Variants in RIN2 observed in about 807,000 individuals in gnomAD.
The protein encoded by RIN2 is RAB5 interacting protein 2.
In RIN2, 36 loss-of-function variants were observed where a neutral mutation model predicts 78.0. The observed-to-expected ratio is 0.46, with a 90% CI of 0.35 to 0.61. The LOEUF is 0.61. Among genes scored for constraint, RIN2 ranks in the 20% least tolerant of loss-of-function variants. The pLI is 0.00. For synonymous variants in RIN2, 466 were observed against 466.8 expected, an observed-to-expected ratio of 1.00 and a Z score of 0.02; for missense variants, 1,087 against 1,159.7, an observed-to-expected ratio of 0.94 and a Z score of 0.91.
Position 19,974,986 on chromosome 20 carries a change from A to G in RIN2, c.961A>G (p.Thr321Ala). The stretch of plus-strand genomic sequence containing the variant: ...GCCACCCGCTATTAATAGTCTCCAC[A>G]CAAGCCCTCGGCTGGCCAGGACTGA... ...PPPPAINSLH[T>A]SPRLARTETQ... The change falls in exon 9 of 13, where the codon ACA becomes GCA. Residue 321 changes from threonine to alanine, a missense_variant. Thr to Ala is a moderately conservative substitution (Grantham distance 58, BLOSUM62 0). Around this residue, in one of 8 missense-constraint regions of RIN2, gnomAD observed 706 missense variants for 667.5 expected, o/e 1.06. Transcript: ENST00000255006. The G allele has an allele frequency of 6.2e-7, 1 of 1,600,582 alleles. No individual in the cohort carries two copies. Among genetic ancestry groups the G allele is most frequent in the South Asian group, 1.1e-5 (1 of 90,498 alleles).
chr20:19,805,445 A>C, intron 2 of RIN2, among the ~76,000 whole-genome samples: 1 of 152,176 alleles, frequency 6.6e-6, no homozygotes, highest in Non-Finnish European at 1.5e-5. Flanking sequence ...TCTGTCACCC[A>C]GGCTGGAGTG....
At chr20:19,834,643 G>A (rs956233900) in intron 2 of RIN2, among the ~76,000 whole-genome samples, 4 of 152,164 alleles carry the variant, frequency 2.6e-5, no homozygotes, top group African/African-American at 9.7e-5. Flanking sequence ...TCATAAATAT[G>A]CAAACTAGGA....
chr20:19,853,069 TC>T (rs1445974148), intron 2 of RIN2, among the ~76,000 whole-genome samples: 1 of 137,216 alleles, frequency 7.3e-6, no homozygotes. Flanking sequence ...TGTGTGATGT[TC>T]CCCTTCCTGT....
intron 2 of RIN2, among the ~76,000 whole-genome samples, chr20:19,828,622 T>A (rs181039932): frequency 9.8e-5 from 15 of 152,332 alleles, no homozygotes; most frequent in African/African-American, 3.4e-4. Flanking sequence ...AACCATTATG[T>A]AGGTGCATAG....
chr20:19,826,934 T>G (rs906328265), intron 2 of RIN2, among the ~76,000 whole-genome samples: 1 of 136,552 alleles, frequency 7.3e-6, no homozygotes, highest in Non-Finnish European at 1.6e-5. Flanking sequence ...TTGTTATTGT[T>G]GGTGGTGGTG....
intron 3 of RIN2, among the ~76,000 whole-genome samples, chr20:19,905,764 CT>C (rs2039192919): frequency 6.6e-6 from 1 of 152,152 alleles, no homozygotes; most frequent in African/African-American, 2.4e-5. Flanking sequence ...ACAACAAGTT[CT>C]ATTGGAACCC....
intron 4 of RIN2, among the ~76,000 whole-genome samples, chr20:19,945,731 A>G (rs2041063731): frequency 6.6e-6 from 1 of 151,918 alleles, no homozygotes; most frequent in African/African-American, 2.4e-5. Flanking sequence ...GACTTTTACA[A>G]CCAAAGCCAC....
At position 19,844,698 on chromosome 20, in the gene RIN2, C is replaced by CTTCT. The variant is rs2036720210; in HGVS notation, c.-36-44867_-36-44866insTCTT. Reference sequence around the variant, plus strand: ...CTTCTTCTTCTTCCTCTTCCTCTTCCTCTTCTTCTTCTTCTTCTTCTTCTT... The same window carrying CTTCT: ...CTTCTTCTTCTTCCTCTTCCTCTTCCTTCTTCTTCTTCTTCTTCTTCTTCTTCTT... On this transcript the variant is annotated intron_variant, in intron 2 of 12. Coordinates refer to ENST00000255006, the MANE Select transcript of RIN2 (RefSeq NM_018993.4). Among the ~76,000 whole-genome samples, 232 of 26,342 alleles carry CTTCT rather than the reference C, an allele frequency of 8.8e-3. 10 individuals carry two copies. Among genetic ancestry groups the CTTCT allele is most frequent in the African/African-American group, 0.021 (180 of 8,666 alleles). The allele number at this position is 26,342 out of a possible 152,430, so 17.3% of individuals were successfully genotyped here.
At chr20:19,942,364 G>A (rs913624826) in intron 4 of RIN2, among the ~76,000 whole-genome samples, 1 of 152,160 alleles carries the variant, frequency 6.6e-6, no homozygotes, top group Non-Finnish European at 1.5e-5. Flanking sequence ...AATAAGAAGT[G>A]TAAGATAAAA....
At chr20:19,775,395 C>T (rs1028061811) in intron 1 of RIN2, among the ~76,000 whole-genome samples, 1 of 152,116 alleles carries the variant, frequency 6.6e-6, no homozygotes, top group East Asian at 1.9e-4. Flanking sequence ...CCATTGAAGT[C>T]GGTATTTTGG....
chr20:19,975,903 C>T lies in RIN2; in HGVS notation c.1762+116C>T, dbSNP rs1031558125. Reference sequence around the variant, plus strand: ...CGAAGTTCAAAACAACACCCAGCTCCACCTTCTCTCCCGGTTTGAATGGAA... The same window carrying T: ...CGAAGTTCAAAACAACACCCAGCTCTACCTTCTCTCCCGGTTTGAATGGAA... On this transcript the variant is annotated intron_variant, in intron 9 of 12. Coordinates refer to ENST00000255006, the MANE Select transcript of RIN2 (RefSeq NM_018993.4). This position sits in a 1 kb window ranked among gnomAD's most constrained non-coding sequence, Gnocchi z 4.9. The T allele has an allele frequency of 1.0e-6, 1 of 955,930 alleles. No individual in the cohort carries two copies. Among genetic ancestry groups the T allele is most frequent in the African/African-American group, 1.6e-5 (1 of 61,156 alleles). The allele number at this position is 955,930 out of a possible 1,614,324, so 59.2% of individuals were successfully genotyped here. A position where few individuals can be genotyped will look rare whatever the true frequency, so the allele number is the denominator to read the frequency against.
chr20:19,791,856 C>G (rs572582315), intron 1 of RIN2, among the ~76,000 whole-genome samples: 2 of 152,204 alleles, frequency 1.3e-5, no homozygotes, highest in Admixed American at 1.3e-4. Flanking sequence ...ATCGTGTCCA[C>G]TTCAGGCAAC....
chr20:19,961,592 C>T (rs974898630), intron 6 of RIN2, among the ~76,000 whole-genome samples: 1 of 152,100 alleles, frequency 6.6e-6, no homozygotes, highest in Non-Finnish European at 1.5e-5. Context: ...TTCCCAGCAC[C>T]TCACCTCCTG....
chr20:19,854,987 T>G (rs2037118107), intron 2 of RIN2, among the ~76,000 whole-genome samples: 1 of 152,226 alleles, frequency 6.6e-6, no homozygotes, highest in African/African-American at 2.4e-5. Context: ...TTCCAGTTTT[T>G]GCCCATTCAG....
chr20:19,878,796 C>T (rs2037934754), intron 2 of RIN2, among the ~76,000 whole-genome samples: 1 of 152,152 alleles, frequency 6.6e-6, no homozygotes. Context: ...TACTGTTTTC[C>T]ATAATCTAAT....
intron 6 of RIN2, among the ~76,000 whole-genome samples, chr20:19,963,774 A>G (rs1044076691): frequency 6.6e-6 from 1 of 151,306 alleles, no homozygotes; most frequent in East Asian, 1.9e-4. Context: ...TGGCAAATTC[A>G]TGAGTATTTG....
chr20:19,937,792 G>C (rs1268197114), intron 4 of RIN2, among the ~76,000 whole-genome samples: 1 of 152,228 alleles, frequency 6.6e-6, no homozygotes, highest in East Asian at 1.9e-4. Flanking sequence ...ACATGTGACA[G>C]ATAGGCATAA....
At chr20:19,853,352 T>A (rs34598872) in intron 2 of RIN2, among the ~76,000 whole-genome samples, 28,493 of 152,012 alleles carry the variant, frequency 0.19, 3,481 homozygotes, top group African/African-American at 0.34. Flanking sequence ...TACGTGTGCA[T>A]GTGTCTTTAT....
intron 1 of RIN2, among the ~76,000 whole-genome samples, chr20:19,797,859 CTTTT>C (rs750371451): frequency 1.2e-4 from 16 of 128,084 alleles, no homozygotes; most frequent in Middle Eastern, 4.0e-3. Flanking sequence ...TCTACTTAAT[CTTTT>C]TTTTTTTTTT....
Sources: gnomAD v4.1 joint callset for allele counts (sites outside exome capture counted in the v4.1 genomes callset) on GRCh38, gnomAD v4.1.1 for gene constraint, gnomAD v4.1.1 regional missense constraint, Gnocchi (gnomAD v3.1) non-coding constraint, MANE v1.5 for transcripts, NCBI Gene and HGNC (gene_info 2026-07-23, HGNC 2026-07-21) for gene names.